The following CTNNA3 variants were observed in gnomAD, a reference collection of about 807,000 sequenced individuals.
CTNNA3 encodes the protein catenin alpha 3.
Under a neutral mutation model 95.7 loss-of-function variants are expected in CTNNA3, and 76 were observed. The ratio of observed to expected loss-of-function variants is 0.79; its 90% confidence interval spans 0.66 to 0.96. CTNNA3 has a LOEUF of 0.96. CTNNA3 is among the 40% of genes least tolerant of loss of function. The probability of loss-of-function intolerance (pLI) is 0.00; values close to 1 mark genes in which losing one functional copy is unlikely to be tolerated. For synonymous variants in CTNNA3, 431 were observed against 374.4 expected, an observed-to-expected ratio of 1.15 and a Z score of -1.74; for missense variants, 1,191 against 1,089.8, an observed-to-expected ratio of 1.09 and a Z score of -1.31.
chr10:66,737,373 T>C (rs2132685248), intron 9 of CTNNA3, among the ~76,000 whole-genome samples: 1 of 152,308 alleles, frequency 6.6e-6, no homozygotes, highest in East Asian at 1.9e-4. Context: ...TGAACTGGAA[T>C]CATGCCCACA....
intron 5 of CTNNA3, among the ~76,000 whole-genome samples, chr10:67,434,105 T>C (rs1472333280): frequency 6.6e-6 from 1 of 152,052 alleles, no homozygotes; most frequent in Admixed American, 6.6e-5. Flanking sequence ...CTGAAACTCC[T>C]TCAAGACAGG....
intron 16 of CTNNA3, among the ~76,000 whole-genome samples, chr10:65,968,282 G>A (rs1354322959): frequency 3.3e-5 from 5 of 152,040 alleles, no homozygotes; most frequent in Non-Finnish European, 7.4e-5. Context: ...AGGCTGAGGT[G>A]GGAGGATTGC....
intron 3 of CTNNA3, among the ~76,000 whole-genome samples, chr10:67,571,908 T>A (rs1841992159): frequency 6.6e-6 from 1 of 152,214 alleles, no homozygotes; most frequent in South Asian, 2.1e-4. Flanking sequence ...TTGAAAAACT[T>A]TAAATTATGA....
chr10:67,358,895 C>T (rs1399131264), intron 5 of CTNNA3, among the ~76,000 whole-genome samples: 1 of 152,080 alleles, frequency 6.6e-6, no homozygotes, highest in African/African-American at 2.4e-5. Flanking sequence ...AGGGGGTCAT[C>T]ACTTGCACCC....
At chr10:66,775,725 G>T (rs1840269361) in intron 7 of CTNNA3, among the ~76,000 whole-genome samples, 1 of 152,102 alleles carries the variant, frequency 6.6e-6, no homozygotes, top group Non-Finnish European at 1.5e-5. Context: ...TCATCTTTAT[G>T]CTTCTGTAAT....
intron 9 of CTNNA3, among the ~76,000 whole-genome samples, chr10:66,664,129 A>T (rs935609819): frequency 1.3e-5 from 2 of 152,022 alleles, no homozygotes; most frequent in East Asian, 1.9e-4. Context: ...ACAAAAGGTT[A>T]ATCTTTTATA....
intron 10 of CTNNA3, among the ~76,000 whole-genome samples, chr10:66,614,122 T>A (rs1431021701): frequency 1.3e-5 from 2 of 152,120 alleles, no homozygotes; most frequent in Non-Finnish European, 1.5e-5. Flanking sequence ...AGTTGCTGTT[T>A]TTACAAAATA....
At chr10:67,137,403 T>G (rs1036884586) in intron 7 of CTNNA3, among the ~76,000 whole-genome samples, 11 of 152,222 alleles carry the variant, frequency 7.2e-5, no homozygotes, top group Admixed American at 3.9e-4. Context: ...TTAGTAATCT[T>G]AACTATTAAC....
intron 12 of CTNNA3, among the ~76,000 whole-genome samples, chr10:66,306,804 G>T (rs145783211): frequency 3.9e-5 from 6 of 152,142 alleles, no homozygotes; most frequent in African/African-American, 7.2e-5. Flanking sequence ...TCGTATGTCT[G>T]AAAGCTTTGC....
chr10:65,917,278 T>C lies in CTNNA3; in HGVS notation c.*3052A>G, dbSNP rs1291395694. 2.6e-5 allele frequency: 4 copies of C among 152,196 alleles called. No homozygotes were observed. The allele number at this position is 152,196 out of a possible 1,614,324, so 9.4% of individuals were successfully genotyped here. ...TAATGAACAAATTAGCTTAGAAATTTAGTGTTTGAGTTTTTTCTTGACTCA... is the reference window on the plus strand; with the variant it reads ...TAATGAACAAATTAGCTTAGAAATTCAGTGTTTGAGTTTTTTCTTGACTCA... On this transcript the variant is annotated 3_prime_UTR_variant, in exon 18 of 18. Coordinates refer to ENST00000433211, the MANE Select transcript of CTNNA3 (RefSeq NM_013266.4).
At chr10:66,188,611 G>GTGTC (rs2086472281) in intron 13 of CTNNA3, among the ~76,000 whole-genome samples, 1 of 150,610 alleles carries the variant, frequency 6.6e-6, no homozygotes, top group African/African-American at 2.5e-5. Flanking sequence ...GTGTGTGTGT[G>GTGTC]TGTGTGTGTG....
chr10:67,753,813 A>C (rs1841419545), intron 1 of CTNNA3, among the ~76,000 whole-genome samples: 1 of 152,246 alleles, frequency 6.6e-6, no homozygotes, highest in South Asian at 2.1e-4. Flanking sequence ...GTCAAGAAAC[A>C]ACAGATGCTG....
intron 14 of CTNNA3, among the ~76,000 whole-genome samples, chr10:66,073,961 C>G (rs141165010): frequency 6.6e-6 from 1 of 152,140 alleles, no homozygotes; most frequent in Admixed American, 6.6e-5. Flanking sequence ...TATCAAGAAA[C>G]CTTAAAAAGA....
chr10:67,620,923 G>GTATATA (rs56300519), intron 2 of CTNNA3, among the ~76,000 whole-genome samples: 115 of 123,800 alleles, frequency 9.3e-4, no homozygotes, highest in East Asian at 3.4e-3. Context: ...GTGTGTGTGT[G>GTATATA]TATATATATA....
At chr10:67,705,389 C>G (rs1482975846) in intron 1 of CTNNA3, among the ~76,000 whole-genome samples, 5 of 150,354 alleles carry the variant, frequency 3.3e-5, no homozygotes, top group Non-Finnish European at 7.4e-5. Flanking sequence ...AAATGTCCAA[C>G]AATGATAGAC....
chr10:66,522,051 G>A (rs1052554443), intron 10 of CTNNA3, among the ~76,000 whole-genome samples: 3 of 152,108 alleles, frequency 2.0e-5, no homozygotes, highest in African/African-American at 7.2e-5. Flanking sequence ...GCTATTGCTT[G>A]TGCTATTAAT....
chr10:67,553,077 T>C (rs1020668353), intron 3 of CTNNA3, among the ~76,000 whole-genome samples: 1 of 152,164 alleles, frequency 6.6e-6, no homozygotes, highest in East Asian at 1.9e-4. Context: ...GTGCACCTTT[T>C]AGTTTTGTCT....
At chr10:66,272,564 GACAAT>G (rs2091305026) in intron 13 of CTNNA3, among the ~76,000 whole-genome samples, 1 of 151,934 alleles carries the variant, frequency 6.6e-6, no homozygotes, top group East Asian at 1.9e-4. Context: ...TGTGGGTGGA[GACAAT>G]GCACCACAGG....
chr10:67,256,458 C>A (rs1345744774), intron 5 of CTNNA3, among the ~76,000 whole-genome samples: 2 of 152,078 alleles, frequency 1.3e-5, no homozygotes, highest in African/African-American at 4.8e-5. Context: ...ACAATATAGA[C>A]TATAAAAACC....
Sources: gnomAD v4.1 joint callset for allele counts (sites outside exome capture counted in the v4.1 genomes callset) on GRCh38, gnomAD v4.1.1 for gene constraint, MANE v1.5 for transcripts, NCBI Gene and HGNC (gene_info 2026-07-23, HGNC 2026-07-21) for gene names.